Variants in COPB2 observed in about 807,000 individuals in gnomAD.
COPB2 encodes coatomer subunit beta'.
COPB2 carries 16 observed loss-of-function variants against 120.8 expected under a neutral mutation model. That is an observed-to-expected ratio of 0.13 (90% CI 0.09 to 0.20). The LOEUF is 0.20. Ranked by LOEUF, COPB2 falls within the 10% of genes least tolerant of loss-of-function variation. The probability of loss-of-function intolerance (pLI) is 1.00; values close to 1 mark genes in which losing one functional copy is unlikely to be tolerated. For missense variants in COPB2, 794 were observed against 1,076.5 expected (o/e 0.74, Z 3.67); for synonymous variants, 332 against 366.3 (o/e 0.91, Z 1.07).
Position 139,389,603 on chromosome 3 carries a change from C to T in COPB2, c.-53G>A, listed in dbSNP as rs1251995493. ...CTCGTTTGTTACCGGCTACTCAGGC[C>T]TTGAGATAAACCCACCGATCCACTG... On this transcript the variant is annotated 5_prime_UTR_variant, in exon 1 of 22. Transcript: ENST00000333188. 1.9e-6 allele frequency: 3 copies of T among 1,538,724 alleles called. No homozygotes were observed. Among genetic ancestry groups the T allele is most frequent in the Non-Finnish European group, 2.7e-6 (3 of 1,126,710 alleles).
chr3:139,364,423 TAC>T (rs931480230), intron 15 of COPB2, among the ~76,000 whole-genome samples: 1 of 151,982 alleles, frequency 6.6e-6, no homozygotes, highest in Non-Finnish European at 1.5e-5. Flanking sequence ...GAGGAAAAAG[TAC>T]AGAGTATCAA....
chr3:139,368,077 AG>A, intron 13 of COPB2, 67 bp downstream of exon 13: 1 of 1,500,516 alleles, frequency 6.7e-7, no homozygotes, highest in Non-Finnish European at 8.9e-7. Flanking sequence ...AAATCAGTAA[AG>A]TCTGTTGTAA....
chr3:139,389,245 G>C (rs1307681504), intron 1 of COPB2, among the ~76,000 whole-genome samples: 1 of 152,172 alleles, frequency 6.6e-6, no homozygotes, highest in Non-Finnish European at 1.5e-5. Flanking sequence ...CAACACATTC[G>C]GCTTCTGTGT....
At position 139,383,380 on chromosome 3, in the gene COPB2, C is replaced by A; in HGVS notation, c.59G>T (p.Ser20Ile). ...KLTARSDRVK[S>I]VDLHPTEPWM... ...TGGCTCTGTAGGATGCAGATCCACA[C>A]TCTTAACTCGATCAGATCTAGCAGT... The change falls in exon 2 of 22, where the codon AGT (serine) becomes ATT (isoleucine). Residue 20 changes from serine (S) to isoleucine (I), a missense_variant. Transcript: ENST00000333188. The A allele has an allele frequency of 6.2e-6, 10 of 1,613,490 alleles. No individual in the cohort carries two copies. The highest frequency in any genetic ancestry group is 8.5e-6 in the Non-Finnish European group (10 of 1,179,730).
In COPB2 at chr3:139,378,174, T is replaced by C; in HGVS notation, c.371A>G (p.Lys124Arg). The C allele has an allele frequency of 6.4e-7, 1 of 1,570,466 alleles. No individual in the cohort carries two copies. Among genetic ancestry groups the C allele is most frequent in the Non-Finnish European group, 8.7e-7 (1 of 1,148,142 alleles). Residue 124 changes from lysine to arginine, a missense_variant, in exon 5 of 22, where the codon AAG becomes AGG. By Grantham distance (26) the Lys-to-Arg change is conservative. This residue lies in a region of COPB2 where 610 missense variants were observed against 866.7 expected (regional missense o/e 0.70). Transcript: ENST00000333188. ...CCATTTTTTATCCCAGTCCCAGAGC[T>C]TAATAAGCATGTCATCTAGGCCAAA... is the stretch of plus-strand genomic sequence containing the variant. The part of the protein sequence containing the change: ...ILTSSDDMLI[K>R]LWDWDKKWSC...
At position 139,357,649 on chromosome 3, in the gene COPB2, G is replaced by A. The variant is rs911352865; in HGVS notation, c.*214C>T. ...TAGTATGAAAAAAATCAAAGCCCAT[G>A]TCTGTTTTAGTTAACAAGGAAAACA... On this transcript the variant is annotated 3_prime_UTR_variant, in exon 22 of 22. Transcript: ENST00000333188. 8 of 392,448 alleles carry A rather than the reference G, an allele frequency of 2.0e-5. No individual in the cohort carries two copies. Among genetic ancestry groups the A allele is most frequent in the African/African-American group, 1.7e-4 (8 of 48,124 alleles). The allele number at this position is 392,448 out of a possible 1,614,324, so 24.3% of individuals were successfully genotyped here. A position where few individuals can be genotyped will look rare whatever the true frequency, so the allele number is the denominator to read the frequency against.
rs1942007126 is a variant in COPB2, at chr3:139,389,419, C to A, written c.3+129G>T. On this transcript the variant is annotated intron_variant, in intron 1 of 21. Transcript: ENST00000333188. ...TTCCTGGAATCAAACGACCAAGACCCCGCAAGGCCTGAGGCGGCGGCCGCA... is the reference window on the plus strand; with the variant it reads ...TTCCTGGAATCAAACGACCAAGACCACGCAAGGCCTGAGGCGGCGGCCGCA... 3 of 1,330,128 alleles carry A rather than the reference C, an allele frequency of 2.3e-6. No individual in the cohort carries two copies. The African/African-American group carries it at 4.6e-5, about 20-fold the overall frequency. 82.4% of individuals were successfully genotyped at this position (1,330,128 alleles called of 1,614,324 possible).
Position 139,379,365 on chromosome 3 carries a change from A to C in COPB2, c.228+15T>G, listed in dbSNP as rs765355279. 6.2e-7 allele frequency: 1 copy of C among 1,610,164 alleles called. No individual in the cohort carries two copies. Among genetic ancestry groups the C allele is most frequent in the Non-Finnish European group, 8.5e-7 (1 of 1,177,684 alleles). On this transcript the variant is annotated intron_variant, in intron 3 of 21. Transcript: ENST00000333188. Reference sequence around the variant, plus strand: ...ATTCAGAAAATGGGAATAGAGATTCATATTAATTACTTACCGCTCCTGTCA... The same window carrying C: ...ATTCAGAAAATGGGAATAGAGATTCCTATTAATTACTTACCGCTCCTGTCA...
chr3:139,381,967 T>C (rs539599576), intron 2 of COPB2: 3 of 151,966 alleles, frequency 2.0e-5, no homozygotes, highest in East Asian at 1.9e-4. Context: ...TCTGAAATTG[T>C]AGAGAACACA....
intron 18 of COPB2, 41 bp downstream of exon 18, chr3:139,359,229 T>C (rs1393558183): frequency 4.3e-6 from 7 of 1,610,094 alleles, no homozygotes; most frequent in Admixed American, 3.3e-5. Flanking sequence ...TGTGCTCTCT[T>C]TTTATTGGAA....
At chr3:139,373,625 T>A (rs1386767258) in intron 8 of COPB2, 41 bp downstream of exon 8, 4 of 1,611,124 alleles carry the variant, frequency 2.5e-6, no homozygotes, top group Non-Finnish European at 3.4e-6. Flanking sequence ...AAGAAAATGG[T>A]TTTGCCTATG....
rs1941849033 is a variant in COPB2, at chr3:139,383,324, C to T, written c.115G>A (p.Val39Met). The stretch of plus-strand genomic sequence containing the variant: ...TGTGTTTCATGATTCCAAACACACA[C>T]ACTGCCATTGTAAAGACTTGCCAAC... ...WMLASLYNGSVCVWNHETQTL... is the reference protein window; with the variant it reads ...WMLASLYNGSMCVWNHETQTL... The change falls in exon 2 of 22, where the codon GTG becomes ATG. Residue 39 changes from valine to methionine, a missense_variant. By Grantham distance (21) the Val-to-Met change is conservative. This residue lies in a region of COPB2 where 610 missense variants were observed against 866.7 expected (regional missense o/e 0.70). Transcript: ENST00000333188. 1 of 1,613,978 alleles carries T rather than the reference C, an allele frequency of 6.2e-7. No homozygotes were observed. The highest frequency in any genetic ancestry group is 2.2e-5 in the East Asian group (1 of 44,832).
Position 139,369,367 on chromosome 3 carries a change from C to T in COPB2, c.1295G>A (p.Ser432Asn). 1.2e-6 allele frequency: 2 copies of T among 1,611,722 alleles called. No individual in the cohort carries two copies. Among genetic ancestry groups the T allele is most frequent in the South Asian group, 2.2e-5 (2 of 90,528 alleles). ...TCCCAATAAGAAGCCGCCGTAGATA[C>T]CTAAAGGGAACATAAAAAGAGTTTT... is the stretch of plus-strand genomic sequence containing the variant. ...KSFKPDFGAE[S>N]IYGGFLLGVR... The change falls in exon 12 of 22, where the codon AGT (serine) becomes AAT (asparagine). Residue 432 changes from serine to asparagine, a missense_variant and splice_region_variant. Around this residue, in one of 3 missense-constraint regions of COPB2, gnomAD observed 610 missense variants for 866.7 expected, o/e 0.70. Transcript: ENST00000333188.
Position 139,360,192 on chromosome 3 carries a change from TAA to T in COPB2, c.2211-832_2211-831del, listed in dbSNP as rs10665711. Among the ~76,000 whole-genome samples, 1,472 of 147,448 alleles carry T rather than the reference TAA, an allele frequency of 1.0e-2. 4 individuals are homozygous for T. The highest frequency in any genetic ancestry group is 0.012 in the African/African-American group (502 of 40,166). On this transcript the variant is annotated intron_variant, in intron 17 of 21. Coordinates refer to ENST00000333188, the MANE Select transcript of COPB2 (RefSeq NM_004766.3). ...AGTTATATGGCGAAGTATGGGATTG[TAA>T]AAAAAAAAAAAAATCAGTATGTAGG...
In COPB2 at chr3:139,360,387, G is replaced by A. The variant is rs549643198; in HGVS notation, c.2210+694C>T. 7.2e-5 allele frequency among the ~76,000 whole-genome samples: 11 copies of A among 151,822 alleles called. No homozygotes were observed. The East Asian group carries it at 1.6e-3, about 21-fold the overall frequency. ...AAAAACACAAGCCGGGTGTGGTGGC[G>A]CATGCCTGTAATCCCAGCTACTTGG... is the stretch of plus-strand genomic sequence containing the variant. On this transcript the variant is annotated intron_variant, in intron 17 of 21. Coordinates refer to ENST00000333188, the MANE Select transcript of COPB2 (RefSeq NM_004766.3).
At position 139,379,052 on chromosome 3, in the gene COPB2, C is replaced by T. The variant is rs1224714286; in HGVS notation, c.350G>A (p.Ser117Asn). Reference sequence around the variant, plus strand: ...CAAAAAAGGTCATCTCTTACCACTGCTAGTTAGAATGAAAGGCTGGGTTGG... The same window carrying T: ...CAAAAAAGGTCATCTCTTACCACTGTTAGTTAGAATGAAAGGCTGGGTTGG... ...VHPTQPFILT[S>N]SDDMLIKLWD... is the part of the protein sequence containing the mutation. Residue 117 changes from serine to asparagine, a missense_variant, in exon 4 of 22, where the codon AGC becomes AAC. Coordinates refer to ENST00000333188, the MANE Select transcript of COPB2 (RefSeq NM_004766.3). The T allele has an allele frequency of 6.3e-7, 1 of 1,593,628 alleles. No individual in the cohort carries two copies. The highest frequency in any genetic ancestry group is 1.9e-5 in the Admixed American group (1 of 53,858).
intron 17 of COPB2, 71 bp from the exon 18 acceptor site, chr3:139,359,433 A>G: frequency 6.9e-7 from 1 of 1,451,420 alleles, no homozygotes; most frequent in East Asian, 2.3e-5. Context: ...AACACAAAGT[A>G]AATTTAGTGT....
chr3:139,389,596 C>T lies in COPB2; in HGVS notation c.-46G>A. On this transcript the variant is annotated 5_prime_UTR_variant, in exon 1 of 22. Transcript: ENST00000333188. ...GGGAACCCTCGTTTGTTACCGGCTA[C>T]TCAGGCCTTGAGATAAACCCACCGA... 1.3e-6 allele frequency: 2 copies of T among 1,555,988 alleles called. No homozygotes were observed. The highest frequency in any genetic ancestry group is 1.4e-5 in the African/African-American group (1 of 73,600).
At chr3:139,379,744 C>A (rs1001702123) in intron 2 of COPB2, 2 of 338,438 alleles carry the variant, frequency 5.9e-6, no homozygotes, top group African/African-American at 2.2e-5. Context: ...CCTTTTCCAG[C>A]CTCACCTTTG....
Sources: allele counts gnomAD v4.1 joint callset (sites outside exome capture counted in the v4.1 genomes callset), GRCh38; gene constraint gnomAD v4.1.1; regional missense constraint gnomAD v4.1.1; transcripts MANE v1.5; gene names NCBI Gene and HGNC (gene_info 2026-07-23, HGNC 2026-07-21).